The following DCDC1 variants were observed in gnomAD, a reference collection of about 807,000 sequenced individuals.
DCDC1 encodes the protein doublecortin domain containing 1.
A neutral mutation model predicts 178.3 loss-of-function variants in DCDC1; 200 were observed. The ratio of observed to expected loss-of-function variants is 1.12; its 90% CI spans 1.00 to 1.26. The LOEUF (loss-of-function observed/expected upper bound fraction) is 1.26. Ranked by LOEUF, DCDC1 falls within the 50% of genes most tolerant of loss-of-function variation. The pLI, the probability that DCDC1 is intolerant of heterozygous loss-of-function variation, is 0.00. For missense variants in DCDC1, 1,983 were observed against 1,749.2 expected, an observed-to-expected ratio of 1.13 and a Z score of -2.38; for synonymous variants, 690 against 604.8, an observed-to-expected ratio of 1.14 and a Z score of -2.07.
At chr11:31,058,033 G>A (rs1320973505) in intron 20 of DCDC1, among the ~76,000 whole-genome samples, 1 of 152,072 alleles carries the variant, frequency 6.6e-6, no homozygotes, top group Non-Finnish European at 1.5e-5. Flanking sequence ...TGAATCCCCA[G>A]TGCCTAGGAT....
intron 20 of DCDC1, among the ~76,000 whole-genome samples, chr11:31,038,390 A>G (rs1954220527): frequency 2.6e-5 from 4 of 152,134 alleles, no homozygotes; most frequent in Non-Finnish European, 5.9e-5. Context: ...AAACCAACTG[A>G]AAAATATGTC....
intron 7 of DCDC1, among the ~76,000 whole-genome samples, chr11:31,282,374 A>T (rs1178593653): frequency 6.6e-6 from 1 of 151,598 alleles, no homozygotes; most frequent in Non-Finnish European, 1.5e-5. Flanking sequence ...AAGGGAGTTT[A>T]ATGTCTATCA....
At chr11:31,105,480 C>T (rs1958786105) in intron 13 of DCDC1, among the ~76,000 whole-genome samples, 1 of 151,172 alleles carries the variant, frequency 6.6e-6, no homozygotes, top group Non-Finnish European at 1.5e-5. Context: ...TTTATTAAAG[C>T]CTATCCTTGT....
At position 30,878,659 on chromosome 11, in the gene DCDC1, C is replaced by G; in HGVS notation, c.5286G>C (p.Gln1762His). The G allele has an allele frequency of 6.2e-7, 1 of 1,609,878 alleles. No individual in the cohort carries two copies. Among genetic ancestry groups the G allele is most frequent in the Non-Finnish European group, 8.5e-7 (1 of 1,178,348 alleles). Reference sequence around the variant, plus strand: ...CAATGTCTGTGGCTTGAGGGCCCTGCTGCCTTCGGATTCTGGCATAATTTG... The same window carrying G: ...CAATGTCTGTGGCTTGAGGGCCCTGGTGCCTTCGGATTCTGGCATAATTTG... ...IRANYARIRR[Q>H]QGPQATDIVV... The change falls in exon 38 of 39, where the codon CAG becomes CAC. Residue 1762 changes from glutamine (Q) to histidine (H), a missense_variant. Gln to His is a conservative substitution (Grantham distance 24). Transcript: ENST00000684477.
intron 20 of DCDC1, among the ~76,000 whole-genome samples, chr11:30,997,781 T>C (rs1465863032): frequency 6.6e-6 from 1 of 151,774 alleles, no homozygotes; most frequent in Non-Finnish European, 1.5e-5. Flanking sequence ...CAGAATAAAC[T>C]CATGTTTATT....
intron 1 of DCDC1, among the ~76,000 whole-genome samples, chr11:31,364,050 G>C (rs1457918004): frequency 6.6e-6 from 1 of 152,168 alleles, no homozygotes; most frequent in Non-Finnish European, 1.5e-5. Flanking sequence ...TGCACTCTCT[G>C]AGGGTAAACA....
chr11:30,878,409 G>T, intron 38 of DCDC1, 135 bp downstream of exon 38: 1 of 779,254 alleles, frequency 1.3e-6, no homozygotes, highest in Non-Finnish European at 1.9e-6. Context: ...AGCTGTGATT[G>T]TGCCACTACA....
chr11:31,138,099 A>T (rs76706371), intron 9 of DCDC1, among the ~76,000 whole-genome samples: 20 of 30,642 alleles, frequency 6.5e-4, no homozygotes, highest in Non-Finnish European at 8.9e-4. Flanking sequence ...GCAACTTTTT[A>T]AAAAAAAATT....
chr11:31,196,006 T>C (rs1565415120), intron 9 of DCDC1, among the ~76,000 whole-genome samples: 1 of 152,018 alleles, frequency 6.6e-6, no homozygotes, highest in Non-Finnish European at 1.5e-5. Context: ...ATCCAAGATC[T>C]TAACATCAAG....
At chr11:31,255,371 T>A (rs1484298551) in intron 8 of DCDC1, among the ~76,000 whole-genome samples, 1 of 152,166 alleles carries the variant, frequency 6.6e-6, no homozygotes, top group Non-Finnish European at 1.5e-5. Flanking sequence ...GGAAGACTCA[T>A]CAAATTGTTT....
At chr11:30,926,590 T>C (rs1946605699) in intron 22 of DCDC1, among the ~76,000 whole-genome samples, 1 of 152,176 alleles carries the variant, frequency 6.6e-6, no homozygotes, top group Non-Finnish European at 1.5e-5. Context: ...TGTGAGGATA[T>C]CCCGCCTATG....
At chr11:31,132,596 T>C (rs1327259075) in intron 10 of DCDC1, among the ~76,000 whole-genome samples, 1 of 152,166 alleles carries the variant, frequency 6.6e-6, no homozygotes, top group Non-Finnish European at 1.5e-5. Flanking sequence ...ATCCCAGCAT[T>C]AATGGGTCTG....
chr11:31,002,977 T>C (rs1472597952), intron 20 of DCDC1, among the ~76,000 whole-genome samples: 1 of 152,104 alleles, frequency 6.6e-6, no homozygotes, highest in East Asian at 1.9e-4. Context: ...AAACTTGACC[T>C]AAAACTAATA....
At chr11:30,950,545 G>A (rs931919295) in intron 21 of DCDC1, among the ~76,000 whole-genome samples, 2 of 152,138 alleles carry the variant, frequency 1.3e-5, no homozygotes, top group African/African-American at 2.4e-5. Flanking sequence ...CCTGTCATTT[G>A]CAACAACACA....
chr11:30,886,845 C>T (rs1198029980), intron 36 of DCDC1, among the ~76,000 whole-genome samples: 43 of 151,846 alleles, frequency 2.8e-4, no homozygotes, highest in Admixed American at 2.8e-3. Flanking sequence ...TAGAGATAGG[C>T]ATCTGAGAGA....
At chr11:31,336,094 C>T (rs1950260013) in intron 1 of DCDC1, among the ~76,000 whole-genome samples, 2 of 152,110 alleles carry the variant, frequency 1.3e-5, no homozygotes, top group African/African-American at 4.8e-5. Flanking sequence ...AAACAATAAA[C>T]ATCATAAATA....
At chr11:30,901,097 A>C (rs926440085) in intron 32 of DCDC1, among the ~76,000 whole-genome samples, 1 of 152,132 alleles carries the variant, frequency 6.6e-6, no homozygotes, top group African/African-American at 2.4e-5. Context: ...AAAGAGAAAA[A>C]CACAATTTCC....
Position 30,968,468 on chromosome 11 carries a change from AAG to A in DCDC1, c.2592-15902_2592-15901del, listed in dbSNP as rs1158862549. 3.3e-5 allele frequency among the ~76,000 whole-genome samples: 5 copies of A among 152,048 alleles called. No homozygotes were observed. In the East Asian group the frequency reaches 9.6e-4, roughly 29 times the overall value. On this transcript the variant is annotated intron_variant, in intron 20 of 38. Transcript: ENST00000684477. The stretch of plus-strand genomic sequence containing the variant: ...AAACTCTTGTTGAAAGAGAGAGAAA[AAG>A]AGAGGAAGAGACCACATTCACATAA...
At chr11:31,007,160 C>A (rs1024639691) in intron 20 of DCDC1, among the ~76,000 whole-genome samples, 3 of 152,076 alleles carry the variant, frequency 2.0e-5, no homozygotes, top group African/African-American at 7.2e-5. Flanking sequence ...AATACATGTA[C>A]CGTGTGCATA....
Sources: allele counts gnomAD v4.1 joint callset (sites outside exome capture counted in the v4.1 genomes callset), GRCh38; gene constraint gnomAD v4.1.1; transcripts MANE v1.5; gene names NCBI Gene and HGNC (gene_info 2026-07-23, HGNC 2026-07-21).